Variants in SOX6 observed in about 807,000 individuals in gnomAD.
SOX6 encodes transcription factor SOX-6.
SOX6 carries 11 observed loss-of-function variants against 97.8 expected under a neutral mutation model. That is an observed-to-expected ratio of 0.11 (90% CI 0.07 to 0.19). The LOEUF (loss-of-function observed/expected upper bound fraction) is 0.19. SOX6 is among the 10% of genes least tolerant of loss of function. The pLI is 1.00. For synonymous variants in SOX6, 360 were observed against 371.4 expected (o/e 0.97, Z 0.35); for missense variants, 810 against 1,039.5 (o/e 0.78, Z 3.04).
intron 2 of SOX6, among the ~76,000 whole-genome samples, chr11:16,729,098 C>T (rs1222728890): frequency 6.6e-6 from 1 of 152,158 alleles, no homozygotes; most frequent in Non-Finnish European, 1.5e-5. Flanking sequence ...ACCAAACCTA[C>T]ATTTGATGGG....
At chr11:16,571,002 C>T (rs1847932512) in intron 4 of SOX6, among the ~76,000 whole-genome samples, 1 of 152,114 alleles carries the variant, frequency 6.6e-6, no homozygotes, top group Admixed American at 6.6e-5. Flanking sequence ...AAATACTGTA[C>T]TTTAAAATTA....
chr11:16,515,329 G>C (rs1274610663), intron 4 of SOX6, among the ~76,000 whole-genome samples: 1 of 150,408 alleles, frequency 6.6e-6, no homozygotes. Context: ...GTGTTTTTTG[G>C]CTGCATAAAT....
At chr11:16,636,713 G>A (rs1848795699) in intron 3 of SOX6, among the ~76,000 whole-genome samples, 1 of 152,188 alleles carries the variant, frequency 6.6e-6, no homozygotes, top group African/African-American at 2.4e-5. Flanking sequence ...GACCTGGTGG[G>A]AGGCAATTGA....
intron 6 of SOX6, among the ~76,000 whole-genome samples, chr11:16,136,964 T>A (rs1049756107): frequency 2.6e-5 from 4 of 152,228 alleles, no homozygotes; most frequent in African/African-American, 9.7e-5. Context: ...TTCAGTATCA[T>A]GTTACAAGTG....
At chr11:16,602,474 C>A (rs750919140) in intron 4 of SOX6, among the ~76,000 whole-genome samples, 1 of 151,886 alleles carries the variant, frequency 6.6e-6, no homozygotes, top group African/African-American at 2.4e-5. Context: ...GGGACAATTT[C>A]TCTTGATTTA....
chr11:16,435,481 C>T (rs1340926811), intron 1 of SOX6, among the ~76,000 whole-genome samples: 1 of 151,998 alleles, frequency 6.6e-6, no homozygotes, highest in Non-Finnish European at 1.5e-5. Flanking sequence ...CTATTAGTCA[C>T]AGAATCATAG....
intron 6 of SOX6, among the ~76,000 whole-genome samples, chr11:16,176,097 A>ATGGG (rs1282425390): frequency 6.6e-6 from 1 of 151,320 alleles, no homozygotes; most frequent in Non-Finnish European, 1.5e-5. Flanking sequence ...GGATGGATGG[A>ATGGG]TGGATGGATG....
At chr11:16,064,467 C>T (rs755765508) in intron 9 of SOX6, among the ~76,000 whole-genome samples, 6 of 146,458 alleles carry the variant, frequency 4.1e-5, no homozygotes, top group Non-Finnish European at 8.9e-5. Context: ...TACTTCCATA[C>T]TCATTCTACA....
At chr11:16,519,912 C>T (rs1393522531) in intron 4 of SOX6, among the ~76,000 whole-genome samples, 2 of 152,146 alleles carry the variant, frequency 1.3e-5, no homozygotes, top group Non-Finnish European at 1.5e-5. Context: ...GATGCTAACT[C>T]ATTGTGGTTT....
intron 4 of SOX6, among the ~76,000 whole-genome samples, chr11:16,587,478 A>G (rs56965201): frequency 0.27 from 40,494 of 152,136 alleles, 6,180 homozygotes; most frequent in East Asian, 0.53. Flanking sequence ...TATAGGTACT[A>G]TTATTATCAC....
At chr11:16,357,479 T>C (rs1340542173), upstream of SOX6, among the ~76,000 whole-genome samples, 1 of 152,118 alleles carries the variant, frequency 6.6e-6, no homozygotes, top group Admixed American at 6.6e-5. Flanking sequence ...CCAACTGAGT[T>C]TTGGGCATCC....
chr11:16,738,156 C>A (rs992348104), intron 1 of SOX6, among the ~76,000 whole-genome samples: 6 of 152,016 alleles, frequency 3.9e-5, no homozygotes, highest in African/African-American at 1.5e-4. Context: ...TTCATGAAAA[C>A]ATTTAGAAAG....
chr11:16,704,309 TC>T (rs1169801237), intron 3 of SOX6, among the ~76,000 whole-genome samples: 1 of 152,132 alleles, frequency 6.6e-6, no homozygotes, highest in Non-Finnish European at 1.5e-5. Context: ...TAAGACAAGT[TC>T]CCTATTCTCC....
intron 6 of SOX6, among the ~76,000 whole-genome samples, chr11:16,123,970 T>C (rs1284120634): frequency 6.6e-6 from 1 of 152,106 alleles, no homozygotes; most frequent in East Asian, 1.9e-4. Context: ...TCCATTTGCT[T>C]TCAATAGTTT....
rs146129001 is a variant in SOX6 at position 16,598,146 on chromosome 11, C to T, written n.609+13935G>A. Among the ~76,000 whole-genome samples, 11 of 152,090 alleles carry T rather than the reference C, an allele frequency of 7.2e-5. No homozygotes were observed. The East Asian group carries it at 1.7e-3, about 24-fold the overall frequency. ...ACCAATCCCTCAGCTTAGTGCTTTA[C>T]ATTCGTTTATCTCATTTAATCCTCA... On this transcript the variant is annotated intron_variant and non_coding_transcript_variant, in intron 4 of 5. Transcript: ENST00000524520.
intron 2 of SOX6, among the ~76,000 whole-genome samples, chr11:16,323,217 A>G (rs898287018): frequency 6.6e-6 from 1 of 152,168 alleles, no homozygotes; most frequent in Admixed American, 6.6e-5. Context: ...TATGTAAAAT[A>G]TGTGTAGATG....
intron 1 of SOX6, among the ~76,000 whole-genome samples, chr11:16,350,415 C>T (rs545650297): frequency 9.9e-5 from 15 of 152,210 alleles, no homozygotes; most frequent in South Asian, 2.1e-4. Flanking sequence ...AGAAATAAGA[C>T]GGTTTTAGAA....
intron 6 of SOX6, among the ~76,000 whole-genome samples, chr11:16,143,867 C>A (rs1036368040): frequency 2.6e-5 from 4 of 152,120 alleles, no homozygotes; most frequent in African/African-American, 9.7e-5. Context: ...CCTTAGAGAC[C>A]TACAAAGAGA....
At chr11:16,720,342 A>G (rs1236055693) in intron 2 of SOX6, among the ~76,000 whole-genome samples, 19 of 140,702 alleles carry the variant, frequency 1.4e-4, no homozygotes, top group Non-Finnish European at 2.6e-4. Flanking sequence ...GCACATATAC[A>G]CCATGGAATA....
Sources: allele counts gnomAD v4.1 joint callset (sites outside exome capture counted in the v4.1 genomes callset), GRCh38; gene constraint gnomAD v4.1.1; transcripts MANE v1.5; gene names NCBI Gene and HGNC (gene_info 2026-07-23, HGNC 2026-07-21).